SLC24A3: variants seen among roughly 807,000 people sequenced by gnomAD.
SLC24A3 encodes the protein solute carrier family 24 member 3.
In SLC24A3, 28 loss-of-function variants were observed where a neutral mutation model predicts 75.8. The ratio of observed to expected loss-of-function variants is 0.37; its 90% CI spans 0.27 to 0.51. The LOEUF (loss-of-function observed/expected upper bound fraction) is 0.51, where lower values mean the gene tolerates loss of function less well. SLC24A3 is among the 20% of genes least tolerant of loss of function. The pLI, the probability that SLC24A3 is intolerant of heterozygous loss-of-function variation, is 0.94. For synonymous variants in SLC24A3, 372 were observed against 334.1 expected, an observed-to-expected ratio of 1.11 and a Z score of -1.24; for missense variants, 663 against 847.8, an observed-to-expected ratio of 0.78 and a Z score of 2.71.
intron 13 of SLC24A3, among the ~76,000 whole-genome samples, chr20:19,696,015 C>CTAT (rs2032800554): frequency 3.7e-5 from 4 of 108,074 alleles, no homozygotes; most frequent in African/African-American, 7.1e-5. Context: ...TTTTCCTTTT[C>CTAT]TTTTTTTTTT....
intron 3 of SLC24A3, among the ~76,000 whole-genome samples, chr20:19,565,895 T>C (rs2030949793): frequency 6.6e-6 from 1 of 152,160 alleles, no homozygotes; most frequent in Admixed American, 6.6e-5. Flanking sequence ...TCTTTCTTAT[T>C]TCCTCCAAAC....
chr20:19,516,069 G>A (rs16980713), intron 3 of SLC24A3, among the ~76,000 whole-genome samples: 14,444 of 152,158 alleles, frequency 0.095, 738 homozygotes, highest in South Asian at 0.1. Context: ...CATGTGGTAG[G>A]GACAGAACAT....
intron 6 of SLC24A3, among the ~76,000 whole-genome samples, chr20:19,602,507 G>A (rs933505025): frequency 2.0e-5 from 3 of 152,012 alleles, no homozygotes; most frequent in East Asian, 1.9e-4. Context: ...TTAAAGCTTC[G>A]AAACCACAGC....
intron 6 of SLC24A3, among the ~76,000 whole-genome samples, chr20:19,622,445 A>G (rs953943185): frequency 1.2e-4 from 19 of 152,328 alleles, no homozygotes; most frequent in Non-Finnish European, 1.9e-4. Flanking sequence ...AACTAGTGCT[A>G]TAATTCACAC....
intron 6 of SLC24A3, among the ~76,000 whole-genome samples, chr20:19,636,395 G>C (rs894325531): frequency 6.6e-6 from 1 of 152,138 alleles, no homozygotes; most frequent in Non-Finnish European, 1.5e-5. Context: ...TAGACTAATG[G>C]CTTTCCCAAG....
At chr20:19,518,855 G>A (rs180714030) in intron 3 of SLC24A3, among the ~76,000 whole-genome samples, 29 of 152,334 alleles carry the variant, frequency 1.9e-4, no homozygotes, top group Admixed American at 7.2e-4. Flanking sequence ...AGGGCCATTT[G>A]GGCAGGTGAT....
intron 1 of SLC24A3, among the ~76,000 whole-genome samples, chr20:19,253,222 G>A (rs1364691219): frequency 6.6e-6 from 1 of 152,184 alleles, no homozygotes; most frequent in East Asian, 1.9e-4. Flanking sequence ...GGATGTCCCA[G>A]GGCCCTGGCA....
chr20:19,664,743 G>C (rs973004814), intron 7 of SLC24A3, among the ~76,000 whole-genome samples: 6 of 152,222 alleles, frequency 3.9e-5, no homozygotes, highest in Non-Finnish European at 8.8e-5. Context: ...AGGCCGCTCT[G>C]AGACGACCAT....
chr20:19,569,784 C>T (rs1011109863), intron 3 of SLC24A3, among the ~76,000 whole-genome samples: 10 of 152,190 alleles, frequency 6.6e-5, no homozygotes, highest in African/African-American at 1.2e-4. Flanking sequence ...GCAGCAACTC[C>T]GTGTCCTCTT....
chr20:19,369,668 G>T (rs753037514), intron 2 of SLC24A3, among the ~76,000 whole-genome samples: 18 of 152,006 alleles, frequency 1.2e-4, no homozygotes, highest in Non-Finnish European at 2.5e-4. Flanking sequence ...AAAATACTTA[G>T]GTATCCTTGT....
intron 2 of SLC24A3, among the ~76,000 whole-genome samples, chr20:19,440,358 G>C (rs1296222377): frequency 1.3e-5 from 2 of 152,230 alleles, no homozygotes; most frequent in Admixed American, 6.5e-5. Flanking sequence ...TGGCAAGACA[G>C]CTGGGGAGAG....
intron 1 of SLC24A3, among the ~76,000 whole-genome samples, chr20:19,252,644 G>C (rs6136664): frequency 3.4e-5 from 2 of 59,332 alleles, no homozygotes; most frequent in Non-Finnish European, 5.7e-5. Context: ...TTGGAATGGC[G>C]GGGGGGGGTG....
chr20:19,574,136 C>T (rs908721199), intron 3 of SLC24A3, among the ~76,000 whole-genome samples: 1 of 152,198 alleles, frequency 6.6e-6, no homozygotes. Context: ...CTAAGGCAGG[C>T]GTGTCTCAGA....
chr20:19,598,918 AC>A (rs2031486831), intron 6 of SLC24A3, among the ~76,000 whole-genome samples: 1 of 151,604 alleles, frequency 6.6e-6, no homozygotes, highest in South Asian at 2.1e-4. Flanking sequence ...ACACACACAC[AC>A]ACGCACACAC....
chr20:19,307,728 C>A (rs1433565258), intron 2 of SLC24A3, among the ~76,000 whole-genome samples: 2 of 152,054 alleles, frequency 1.3e-5, no homozygotes, highest in African/African-American at 4.8e-5. Flanking sequence ...AGGTAACAAA[C>A]CTGCATGTTC....
At chr20:19,222,783 C>T (rs11087275) in intron 1 of SLC24A3, among the ~76,000 whole-genome samples, 3 of 75,838 alleles carry the variant, frequency 4.0e-5, no homozygotes, top group Non-Finnish European at 7.4e-5. Context: ...TCCCCTCCCT[C>T]CCTTCCTTCC....
intron 2 of SLC24A3, among the ~76,000 whole-genome samples, chr20:19,429,757 C>A (rs536814476): frequency 6.6e-6 from 1 of 152,142 alleles, no homozygotes; most frequent in African/African-American, 2.4e-5. Context: ...CCTAGGGTAG[C>A]AGGAGTTCAG....
intron 6 of SLC24A3, among the ~76,000 whole-genome samples, chr20:19,621,286 A>C (rs553678579): frequency 1.9e-3 from 293 of 152,296 alleles, no homozygotes; most frequent in Middle Eastern, 3.4e-3. Context: ...GACTCAAAGC[A>C]GGCTCATTTC....
chr20:19,663,592 C>A (rs1488237411), intron 7 of SLC24A3, among the ~76,000 whole-genome samples: 2 of 150,644 alleles, frequency 1.3e-5, no homozygotes, highest in South Asian at 2.1e-4. Context: ...GTTTCCGGAT[C>A]TCCTCCATTA....
Sources: allele counts gnomAD v4.1 joint callset (sites outside exome capture counted in the v4.1 genomes callset), GRCh38; gene constraint gnomAD v4.1.1; transcripts MANE v1.5; gene names NCBI Gene and HGNC (gene_info 2026-07-23, HGNC 2026-07-21).